ANTXR2: variants seen among roughly 807,000 people sequenced by gnomAD.
ANTXR2 encodes the protein anthrax toxin receptor 2.
In ANTXR2, 44 loss-of-function variants were observed where a neutral mutation model predicts 73.7. The observed-to-expected ratio is 0.60, with a 90% CI of 0.47 to 0.77. ANTXR2 has a LOEUF of 0.77. Among genes scored for constraint, ANTXR2 ranks in the 30% least tolerant of loss-of-function variants. ANTXR2 has a pLI of 0.00. For missense variants in ANTXR2, 604 were observed against 592.5 expected (o/e 1.02, Z -0.20); for synonymous variants, 217 against 205.9 (o/e 1.05, Z -0.46).
At chr4:79,989,088 G>T (rs11098977) in intron 12 of ANTXR2, among the ~76,000 whole-genome samples, 98,263 of 151,690 alleles carry the variant, frequency 0.65, 34,446 homozygotes, top group East Asian at 0.94. Flanking sequence ...CTAGAGGAAC[G>T]AGGAAAACAT....
At chr4:79,978,275 AAAG>A in intron 14 of ANTXR2, 101 bp from the exon 15 acceptor site, 1 of 1,126,054 alleles carries the variant, frequency 8.9e-7, no homozygotes, top group African/African-American at 1.6e-5. Flanking sequence ...TCAGAGTGAA[AAAG>A]AAGATGAGCA....
chr4:80,018,621 T>C (rs1201426322), intron 11 of ANTXR2, among the ~76,000 whole-genome samples: 1 of 152,238 alleles, frequency 6.6e-6, no homozygotes, highest in Admixed American at 6.5e-5. Flanking sequence ...TTGTAAATTA[T>C]TATCTTACCT....
At chr4:80,001,398 C>T (rs1365196538) in intron 12 of ANTXR2, among the ~76,000 whole-genome samples, 3 of 145,892 alleles carry the variant, frequency 2.1e-5, no homozygotes, top group Non-Finnish European at 4.5e-5. Flanking sequence ...TTCCCACATT[C>T]TGAGTAAACT....
chr4:79,962,916 TAGC>T (rs1423623893), intron 16 of ANTXR2, among the ~76,000 whole-genome samples: 1 of 152,126 alleles, frequency 6.6e-6, no homozygotes, highest in African/African-American at 2.4e-5. Context: ...ATGCAGTCAT[TAGC>T]AGCATAATTC....
At chr4:80,048,835 A>G (rs1356123776) in intron 7 of ANTXR2, among the ~76,000 whole-genome samples, 1 of 151,724 alleles carries the variant, frequency 6.6e-6, no homozygotes, top group African/African-American at 2.4e-5. Context: ...CCACTCCAAA[A>G]GTGAAATGAA....
At chr4:79,915,534 C>A (rs1441998873) in intron 16 of ANTXR2, among the ~76,000 whole-genome samples, 1 of 152,056 alleles carries the variant, frequency 6.6e-6, no homozygotes, top group Non-Finnish European at 1.5e-5. Context: ...ACTTTTCAAA[C>A]ACAGTTAGCT....
At chr4:79,956,162 T>C (rs1728878612) in intron 16 of ANTXR2, among the ~76,000 whole-genome samples, 1 of 152,200 alleles carries the variant, frequency 6.6e-6, no homozygotes, top group African/African-American at 2.4e-5. Context: ...AAATATTAAA[T>C]ATTATTTATA....
Position 79,978,192 on chromosome 4 carries a change from A to T in ANTXR2, c.1180-18T>A. 6.2e-7 allele frequency: 1 copy of T among 1,612,300 alleles called. No individual in the cohort carries two copies. Among genetic ancestry groups the T allele is most frequent in the South Asian group, 1.1e-5 (1 of 90,894 alleles). On this transcript the variant is annotated intron_variant, in intron 14 of 16. Transcript: ENST00000403729. Reference sequence around the variant, plus strand: ...CAACGAACCTGTAAAACAAAGGGAGAGTACTGTTATCAGACATAAAGTGTC... The same window carrying T: ...CAACGAACCTGTAAAACAAAGGGAGTGTACTGTTATCAGACATAAAGTGTC...
At chr4:80,026,761 T>C (rs1276186141) in intron 10 of ANTXR2, among the ~76,000 whole-genome samples, 1 of 152,164 alleles carries the variant, frequency 6.6e-6, no homozygotes, top group Non-Finnish European at 1.5e-5. Context: ...CTTCCAATGT[T>C]TGGAGAGTTA....
Position 80,069,498 on chromosome 4 carries a change from C to A in ANTXR2, c.234G>T (p.Met78Ile). 6.3e-7 allele frequency: 1 copy of A among 1,599,810 alleles called. No individual in the cohort carries two copies. Among genetic ancestry groups the A allele is most frequent in the Non-Finnish European group, 8.5e-7 (1 of 1,171,520 alleles). ...AAGAAAACACAATGAAAGATAATCT[C>A]ATTTCAGGGCTGCAAAATAAGAAAA... is the stretch of plus-strand genomic sequence containing the variant. ...QLAERFVSPE[M>I]RLSFIVFSSQ... is the part of the protein sequence containing the mutation. The change falls in exon 3 of 17, where the codon ATG becomes ATT. Residue 78 changes from methionine to isoleucine, a missense_variant. By Grantham distance (10) the Met-to-Ile change is conservative. Coordinates refer to ENST00000403729, the MANE Select transcript of ANTXR2 (RefSeq NM_058172.6).
At position 80,018,618 on chromosome 4, in the gene ANTXR2, T is replaced by C. The variant is rs11934410; in HGVS notation, c.945+280A>G. ...AGAAAAAAAGTGCTTCATTTGTAAA[T>C]TATTATCTTACCTTATTTTGATTTC... On this transcript the variant is annotated intron_variant, in intron 11 of 16. Coordinates refer to ENST00000403729, the MANE Select transcript of ANTXR2 (RefSeq NM_058172.6). Among the ~76,000 whole-genome samples, 13,852 of 152,222 alleles carry C rather than the reference T, an allele frequency of 0.091. 2,043 individuals carry two copies. Among genetic ancestry groups the C allele is most frequent in the African/African-American group, 0.31 (12,977 of 41,470 alleles).
chr4:79,906,434 AAG>A lies in ANTXR2; in HGVS notation c.*993_*994del, dbSNP rs1726912916. On this transcript the variant is annotated 3_prime_UTR_variant, in exon 17 of 17. Coordinates refer to ENST00000403729, the MANE Select transcript of ANTXR2 (RefSeq NM_058172.6). ...AATTAAACTTTGAAATTTTAATGCA[AAG>A]AGAGTTGCTGGCTTGTGACGCTGAA... The A allele has an allele frequency of 6.6e-6, 1 of 152,612 alleles. No individual in the cohort carries two copies. The highest frequency in any genetic ancestry group is 2.1e-4 in the South Asian group (1 of 4,832). 9.5% of individuals were successfully genotyped at this position (152,612 alleles called of 1,614,324 possible).
chr4:79,975,682 A>G (rs1437576448), intron 16 of ANTXR2, among the ~76,000 whole-genome samples: 1 of 152,218 alleles, frequency 6.6e-6, no homozygotes, highest in East Asian at 1.9e-4. Context: ...ACATGAAGTT[A>G]AAGTCTAGCA....
At position 79,903,612 on chromosome 4, in the gene ANTXR2, G is replaced by C. The variant is rs923608620; in HGVS notation, c.*3817C>G. Reference sequence around the variant, plus strand: ...GATCGACTGAATTAGATTCCAGTAGGTGTGGAAATATATTAAAGTGTTCTC... The same window carrying C: ...GATCGACTGAATTAGATTCCAGTAGCTGTGGAAATATATTAAAGTGTTCTC... On this transcript the variant is annotated 3_prime_UTR_variant, in exon 17 of 17. Transcript: ENST00000403729. The C allele has an allele frequency of 3.9e-5, 6 of 152,092 alleles. No homozygotes were observed. Among genetic ancestry groups the C allele is most frequent in the African/African-American group, 1.2e-4 (5 of 41,426 alleles). 9.4% of individuals were successfully genotyped at this position (152,092 alleles called of 1,614,324 possible).
intron 12 of ANTXR2, among the ~76,000 whole-genome samples, chr4:79,999,978 C>T (rs560689742): frequency 1.3e-5 from 2 of 151,956 alleles, no homozygotes; most frequent in Admixed American, 6.6e-5. Context: ...CTACTGGTGA[C>T]AGTTTTCACA....
chr4:80,006,191 C>A (rs1731294205), intron 12 of ANTXR2, among the ~76,000 whole-genome samples: 1 of 152,060 alleles, frequency 6.6e-6, no homozygotes, highest in Admixed American at 6.6e-5. Flanking sequence ...GCTATTAGGA[C>A]TTCAGTTACC....
intron 6 of ANTXR2, 121 bp from the exon 7 acceptor site, chr4:80,054,473 G>A (rs971831546): frequency 5.3e-5 from 36 of 675,516 alleles, no homozygotes; most frequent in East Asian, 4.3e-4. Flanking sequence ...ATTTACCAGC[G>A]TGATCTGTGT....
chr4:80,040,908 C>T (rs1733211793), intron 7 of ANTXR2, among the ~76,000 whole-genome samples: 1 of 151,828 alleles, frequency 6.6e-6, no homozygotes, highest in Non-Finnish European at 1.5e-5. Flanking sequence ...TTACCTAATC[C>T]CTAGTTTTAA....
Position 79,929,116 on chromosome 4 carries a change from G to A in ANTXR2, c.1429-21649C>T, listed in dbSNP as rs181125516. Reference sequence around the variant, plus strand: ...AGTCGTTTAAGTTGGCCATAATACGGGTCTCCCTGTCTATTGCCTACAATT... The same window carrying A: ...AGTCGTTTAAGTTGGCCATAATACGAGTCTCCCTGTCTATTGCCTACAATT... On this transcript the variant is annotated intron_variant, in intron 16 of 16. Coordinates refer to ENST00000403729, the MANE Select transcript of ANTXR2 (RefSeq NM_058172.6). 1.1e-3 allele frequency among the ~76,000 whole-genome samples: 169 copies of A among 152,120 alleles called. 2 individuals carry two copies. Among genetic ancestry groups the A allele is most frequent in the African/African-American group, 3.9e-3 (162 of 41,490 alleles).
Sources: allele counts gnomAD v4.1 joint callset (sites outside exome capture counted in the v4.1 genomes callset), GRCh38; gene constraint gnomAD v4.1.1; transcripts MANE v1.5; gene names NCBI Gene and HGNC (gene_info 2026-07-23, HGNC 2026-07-21).